The following OPCML variants were observed in gnomAD, a reference collection of about 807,000 sequenced individuals.
The protein encoded by OPCML is opioid-binding protein/cell adhesion molecule.
OPCML carries 13 observed loss-of-function variants against 37.8 expected under a neutral mutation model. That is an observed-to-expected ratio of 0.34 (90% CI 0.22 to 0.55). The LOEUF (loss-of-function observed/expected upper bound fraction) is 0.55. OPCML is among the 20% of genes least tolerant of loss of function. OPCML has a pLI of 0.91. For missense variants in OPCML, 341 were observed against 435.6 expected (o/e 0.78, Z 1.93); for synonymous variants, 176 against 168.8 (o/e 1.04, Z -0.33).
At chr11:132,701,257 C>G (rs1190678961) in intron 2 of OPCML, among the ~76,000 whole-genome samples, 1 of 152,156 alleles carries the variant, frequency 6.6e-6, no homozygotes, top group East Asian at 1.9e-4. Context: ...ACCATCAGAT[C>G]TCATGAGACT....
intron 1 of OPCML, among the ~76,000 whole-genome samples, chr11:133,058,854 T>C (rs1311952675): frequency 6.6e-6 from 1 of 152,208 alleles, no homozygotes; most frequent in African/African-American, 2.4e-5. Flanking sequence ...TAGAAGTAAC[T>C]TGCTCTTCAG....
intron 3 of OPCML, among the ~76,000 whole-genome samples, chr11:132,648,777 C>G (rs1468401701): frequency 3.9e-5 from 6 of 152,182 alleles, no homozygotes; most frequent in Non-Finnish European, 5.9e-5. Flanking sequence ...CCAGGACTCT[C>G]AAGCGGAAGT....
At chr11:133,210,181 A>C (rs1197809433) in intron 1 of OPCML, among the ~76,000 whole-genome samples, 1 of 152,192 alleles carries the variant, frequency 6.6e-6, no homozygotes. Flanking sequence ...AATGAAGTCC[A>C]TTTCCAAGCG....
intron 2 of OPCML, among the ~76,000 whole-genome samples, chr11:132,707,034 G>A (rs1175980127): frequency 6.6e-6 from 1 of 152,180 alleles, no homozygotes; most frequent in Admixed American, 6.5e-5. Context: ...GAGTGATATA[G>A]TGATCATTTT....
At chr11:132,604,532 G>C (rs560502331) in intron 3 of OPCML, among the ~76,000 whole-genome samples, 3 of 152,158 alleles carry the variant, frequency 2.0e-5, no homozygotes, top group East Asian at 3.9e-4. Flanking sequence ...GAACTCTGAG[G>C]CCTTTTCTAA....
chr11:133,301,440 G>T (rs1416691388), intron 1 of OPCML: 3 of 152,100 alleles, frequency 2.0e-5, no homozygotes, highest in Non-Finnish European at 4.4e-5. Flanking sequence ...TTTCAATTTG[G>T]TCTCACCACA....
intron 4 of OPCML, among the ~76,000 whole-genome samples, chr11:132,490,043 G>A (rs1455187538): frequency 1.3e-5 from 2 of 152,066 alleles, no homozygotes; most frequent in African/African-American, 2.4e-5. Context: ...CAGCTGCATA[G>A]TATTCCATGG....
At chr11:132,738,702 G>T (rs890731931) in intron 2 of OPCML, among the ~76,000 whole-genome samples, 8 of 152,106 alleles carry the variant, frequency 5.3e-5, no homozygotes, top group Non-Finnish European at 1.0e-4. Flanking sequence ...ACGGCTCCTG[G>T]TGTTTTGAAA....
intron 7 of OPCML, among the ~76,000 whole-genome samples, chr11:132,432,674 G>A (rs769463537): frequency 6.6e-6 from 1 of 152,154 alleles, no homozygotes; most frequent in African/African-American, 2.4e-5. Context: ...GTTTTCCTGT[G>A]AGCTACTGTG....
At chr11:133,386,722 G>T (rs1235205073) in intron 1 of OPCML, among the ~76,000 whole-genome samples, 4 of 152,186 alleles carry the variant, frequency 2.6e-5, no homozygotes, top group Non-Finnish European at 5.9e-5. Context: ...TCTAAATAAT[G>T]ACCTGTTAGT....
intron 2 of OPCML, among the ~76,000 whole-genome samples, chr11:132,826,481 G>T (rs999306273): frequency 2.6e-5 from 4 of 152,036 alleles, no homozygotes; most frequent in African/African-American, 9.7e-5. Flanking sequence ...GATGCAAAGG[G>T]GCAGAGGTGA....
At chr11:133,477,524 T>G (rs2137018945) in intron 1 of OPCML, among the ~76,000 whole-genome samples, 1 of 152,262 alleles carries the variant, frequency 6.6e-6, no homozygotes, top group South Asian at 2.1e-4. Context: ...TTTTCAAAAT[T>G]TAGGCTAGGA....
At chr11:132,946,682 T>C (rs1374405584) in intron 1 of OPCML, among the ~76,000 whole-genome samples, 2 of 152,148 alleles carry the variant, frequency 1.3e-5, no homozygotes, top group Non-Finnish European at 2.9e-5. Context: ...AAGGCAGCAG[T>C]GGGGTCCAGG....
intron 1 of OPCML, among the ~76,000 whole-genome samples, chr11:133,010,992 G>A (rs1242871248): frequency 2.0e-5 from 3 of 152,172 alleles, no homozygotes; most frequent in Non-Finnish European, 2.9e-5. Context: ...AACATAATTG[G>A]TAGTACACTA....
chr11:133,293,368 A>G (rs1265947925), intron 1 of OPCML, among the ~76,000 whole-genome samples: 4 of 152,220 alleles, frequency 2.6e-5, no homozygotes, highest in Admixed American at 6.5e-5. Flanking sequence ...ACAAAACACA[A>G]GAAAGTACAT....
At chr11:132,941,918 C>T (rs1438324719) in intron 2 of OPCML, among the ~76,000 whole-genome samples, 2 of 152,146 alleles carry the variant, frequency 1.3e-5, no homozygotes, top group African/African-American at 4.8e-5. Flanking sequence ...CAGGAAGAAC[C>T]CCCACCGTCA....
In OPCML at chr11:132,942,955, C is replaced by T. The variant is rs777986209; in HGVS notation, c.117G>A (p.Thr39=). Residue 39 remains threonine, a synonymous_variant, in exon 2 of 8, where the codon ACG becomes ACA. Transcript: ENST00000524381. Reference sequence around the variant, plus strand: ...GGGTGGCGCTCTCCCCCTGCCGGACCGTCACGTTGTCCATAGCTTTGGGGA... The same window carrying T: ...GGGTGGCGCTCTCCCCCTGCCGGACTGTCACGTTGTCCATAGCTTTGGGGA... The part of the protein sequence containing the change: ...ATFPKAMDNV[T]VRQGESATLR... The T allele has an allele frequency of 7.4e-6, 12 of 1,613,990 alleles. No homozygotes were observed. Among genetic ancestry groups the T allele is most frequent in the African/African-American group, 4.0e-5 (3 of 74,922 alleles).
At chr11:132,525,669 A>G (rs1255860810) in intron 4 of OPCML, 1 of 151,830 alleles carries the variant, frequency 6.6e-6, no homozygotes, top group East Asian at 1.9e-4. Context: ...TGCAAATTTT[A>G]AACTTACAAA....
intron 3 of OPCML, among the ~76,000 whole-genome samples, chr11:132,599,982 G>A (rs1937741025): frequency 6.6e-6 from 1 of 152,148 alleles, no homozygotes; most frequent in Non-Finnish European, 1.5e-5. Context: ...ATGTTATAGA[G>A]CTCTCCAGAA....
Sources: allele counts gnomAD v4.1 joint callset (sites outside exome capture counted in the v4.1 genomes callset), GRCh38; gene constraint gnomAD v4.1.1; transcripts MANE v1.5; gene names NCBI Gene and HGNC (gene_info 2026-07-23, HGNC 2026-07-21).